ADAMTS17: variants seen among roughly 807,000 people sequenced by gnomAD.
ADAMTS17 encodes ADAM metallopeptidase with thrombospondin type 1 motif 17, also known as A disintegrin and metalloproteinase with thrombospondin motifs 17.
A neutral mutation model predicts 141.5 loss-of-function variants in ADAMTS17; 113 were observed. The ratio of observed to expected loss-of-function variants is 0.80; its 90% CI spans 0.69 to 0.93. The LOEUF is 0.93. ADAMTS17 is among the 40% of genes least tolerant of loss of function. ADAMTS17 has a pLI of 0.00. For synonymous variants in ADAMTS17, 768 were observed against 630.6 expected (o/e 1.22, Z -3.27); for missense variants, 1,659 against 1,517.9 (o/e 1.09, Z -1.54).
chr15:100,321,613 C>T (rs1390899342), intron 3 of ADAMTS17, among the ~76,000 whole-genome samples: 2 of 152,086 alleles, frequency 1.3e-5, no homozygotes, highest in African/African-American at 4.8e-5. Context: ...TAAAAATGGC[C>T]CATTACATGA....
intron 18 of ADAMTS17, among the ~76,000 whole-genome samples, chr15:100,016,266 C>T (rs2061286845): frequency 6.6e-6 from 1 of 152,144 alleles, no homozygotes; most frequent in African/African-American, 2.4e-5. Context: ...CCCTTCACTT[C>T]TTGTATCGTT....
intron 8 of ADAMTS17, among the ~76,000 whole-genome samples, chr15:100,156,499 C>G (rs774149237): frequency 1.1e-4 from 17 of 152,356 alleles, no homozygotes; most frequent in Middle Eastern, 3.4e-3. Context: ...GGGGCCCTCT[C>G]TGATCACCCA....
chr15:100,103,611 C>T (rs980212361), intron 14 of ADAMTS17, among the ~76,000 whole-genome samples: 2 of 151,746 alleles, frequency 1.3e-5, no homozygotes, highest in African/African-American at 4.8e-5. Context: ...TGGAGTCTCT[C>T]TCTGTCGCCC....
intron 4 of ADAMTS17, 113 bp downstream of exon 4, chr15:100,281,116 C>A (rs1457940604): frequency 2.1e-6 from 3 of 1,455,578 alleles, no homozygotes; most frequent in South Asian, 1.3e-5. Context: ...TTCCCGTATC[C>A]CCAACCCAGC....
At chr15:100,236,413 T>C (rs2042657431) in intron 7 of ADAMTS17, among the ~76,000 whole-genome samples, 1 of 151,302 alleles carries the variant, frequency 6.6e-6, no homozygotes, top group Non-Finnish European at 1.5e-5. Context: ...AATGCAAACA[T>C]CTGGGGTGAG....
chr15:100,178,426 A>C (rs1444586592), intron 8 of ADAMTS17, among the ~76,000 whole-genome samples: 2 of 152,190 alleles, frequency 1.3e-5, no homozygotes, highest in African/African-American at 2.4e-5. Context: ...ACATTTATTT[A>C]GATCCTCATA....
chr15:100,084,007 G>A (rs28423033), intron 15 of ADAMTS17, among the ~76,000 whole-genome samples: 15,757 of 151,936 alleles, frequency 0.1, 1,206 homozygotes, highest in African/African-American at 0.22. Flanking sequence ...AGGACAGTGG[G>A]TGCAGTGCAC....
At chr15:100,010,112 C>T (rs943006080) in intron 18 of ADAMTS17, among the ~76,000 whole-genome samples, 1 of 152,222 alleles carries the variant, frequency 6.6e-6, no homozygotes, top group Non-Finnish European at 1.5e-5. Flanking sequence ...TGTCTGCCAC[C>T]ATGTAAGATG....
At chr15:100,309,961 T>A (rs574199717) in intron 3 of ADAMTS17, among the ~76,000 whole-genome samples, 3 of 152,174 alleles carry the variant, frequency 2.0e-5, no homozygotes, top group Non-Finnish European at 4.4e-5. Flanking sequence ...ACAGGAAGAT[T>A]TGAGGCAGAT....
rs147283866 is a variant in ADAMTS17, at chr15:99,976,155, C to T, written c.3017G>A (p.Arg1006His). Reference sequence around the variant, plus strand: ...GAGGGCGGGGCACTCGCTGCCGTGGCGCCCTGTGACCTTGTGCATGCACTG... The same window carrying T: ...GAGGGCGGGGCACTCGCTGCCGTGGTGCCCTGTGACCTTGTGCATGCACTG... Reference protein sequence around the residue: ...VVQCMHKVTGRHGSECPALSK... With the variant: ...VVQCMHKVTGHHGSECPALSK... Residue 1006 changes from arginine to histidine, a missense_variant, in exon 21 of 22, where the codon CGC becomes CAC. Transcript: ENST00000268070. 124 of 1,550,544 alleles carry T rather than the reference C, an allele frequency of 8.0e-5. 1 individual carries two copies. Among genetic ancestry groups the T allele is most frequent in the South Asian group, 6.5e-4 (55 of 84,048 alleles).
At position 100,041,835 on chromosome 15, in the gene ADAMTS17, A is replaced by G. The variant is rs1007439380; in HGVS notation, c.2591+7022T>C. Among the ~76,000 whole-genome samples, 7 of 152,358 alleles carry G rather than the reference A, an allele frequency of 4.6e-5. No homozygotes were observed. The South Asian group carries it at 8.3e-4, about 18-fold the overall frequency. On this transcript the variant is annotated intron_variant, in intron 18 of 21. Transcript: ENST00000268070. ...GGCAAAGGAAACTGTCAGGAACTCA[A>G]TGGAAAAAGGGTTGAAGAAAATTAA...
chr15:99,976,023 CG>C, intron 21 of ADAMTS17, 21 bp downstream of exon 21: 1 of 1,543,444 alleles, frequency 6.5e-7, no homozygotes, highest in Non-Finnish European at 8.8e-7. Flanking sequence ...CCCTGGGAAC[CG>C]GGGCCAGTGA....
intron 7 of ADAMTS17, among the ~76,000 whole-genome samples, chr15:100,248,894 G>T (rs778984425): frequency 7.9e-5 from 12 of 151,870 alleles, no homozygotes; most frequent in Non-Finnish European, 1.5e-4. Context: ...CACTTCCCAG[G>T]TTCTAATGAT....
At chr15:100,314,068 T>C (rs76950767) in intron 3 of ADAMTS17, among the ~76,000 whole-genome samples, 1,676 of 129,282 alleles carry the variant, frequency 0.013, 35 homozygotes, top group East Asian at 0.057. Context: ...CCACCCCAAA[T>C]GTCACCATGA....
At chr15:100,067,548 A>G (rs987552242) in intron 15 of ADAMTS17, among the ~76,000 whole-genome samples, 2 of 151,882 alleles carry the variant, frequency 1.3e-5, no homozygotes, top group Admixed American at 6.5e-5. Flanking sequence ...ACACAAAGCT[A>G]TATTATTAGT....
intron 13 of ADAMTS17, among the ~76,000 whole-genome samples, chr15:100,111,215 T>C (rs893717907): frequency 6.6e-6 from 1 of 152,222 alleles, no homozygotes; most frequent in Admixed American, 6.5e-5. Context: ...AGACACGTGA[T>C]GTTTGCTTCT....
At chr15:99,994,635 C>T (rs559461571) in intron 19 of ADAMTS17, among the ~76,000 whole-genome samples, 76 of 152,298 alleles carry the variant, frequency 5.0e-4, no homozygotes, top group African/African-American at 1.7e-3. Context: ...GGTGCAATAT[C>T]GGCTCACTGC....
At chr15:100,331,151 T>C in intron 2 of ADAMTS17, 97 bp from the exon 3 acceptor site, 3 of 1,513,828 alleles carry the variant, frequency 2.0e-6, no homozygotes, top group Non-Finnish European at 1.8e-6. Flanking sequence ...TTGCTGTGAT[T>C]TGGTTTTCCA....
intron 10 of ADAMTS17, among the ~76,000 whole-genome samples, chr15:100,149,479 T>A (rs532149854): frequency 6.6e-6 from 1 of 151,664 alleles, no homozygotes; most frequent in Admixed American, 6.6e-5. Context: ...ACCTGCTCCG[T>A]CCTGATTCAT....
Sources: allele counts gnomAD v4.1 joint callset (sites outside exome capture counted in the v4.1 genomes callset), GRCh38; gene constraint gnomAD v4.1.1; transcripts MANE v1.5; gene names NCBI Gene and HGNC (gene_info 2026-07-23, HGNC 2026-07-21).